Variants in FAM193A observed in about 807,000 individuals in gnomAD.
FAM193A encodes protein FAM193A.
FAM193A carries 22 observed loss-of-function variants against 126.5 expected under a neutral mutation model. The observed-to-expected ratio is 0.17, with a 90% CI of 0.12 to 0.25. FAM193A has a LOEUF of 0.25. Ranked by LOEUF, FAM193A falls within the 10% of genes least tolerant of loss-of-function variation. The probability of loss-of-function intolerance (pLI) is 1.00; values close to 1 mark genes in which losing one functional copy is unlikely to be tolerated. For synonymous variants in FAM193A, 761 were observed against 646.8 expected, an observed-to-expected ratio of 1.18 and a Z score of -2.68; for missense variants, 1,675 against 1,672.8, an observed-to-expected ratio of 1.00 and a Z score of -0.02.
intron 4 of FAM193A, among the ~76,000 whole-genome samples, chr4:2,627,616 C>T (rs1743108188): frequency 7.4e-6 from 1 of 136,002 alleles, no homozygotes; most frequent in South Asian, 2.4e-4. Flanking sequence ...CTCACTCTGT[C>T]GCCCAGGCTG....
chr4:2,697,024 C>A (rs1717116703), intron 18 of FAM193A, among the ~76,000 whole-genome samples: 1 of 152,098 alleles, frequency 6.6e-6, no homozygotes, highest in African/African-American at 2.4e-5. Flanking sequence ...GGGAAGTCTT[C>A]TGGACTCAGG....
chr4:2,539,482 C>T (rs1560427121), intron 1 of FAM193A, among the ~76,000 whole-genome samples: 1 of 152,060 alleles, frequency 6.6e-6, no homozygotes, highest in Non-Finnish European at 1.5e-5. Flanking sequence ...GTACAGTTGC[C>T]TGGTCATAGC....
At position 2,703,712 on chromosome 4, in the gene FAM193A, C is replaced by T. The variant is rs1293982146; in HGVS notation, c.4372+3168C>T. 3.3e-5 allele frequency among the ~76,000 whole-genome samples: 5 copies of T among 151,332 alleles called. No individual in the cohort carries two copies. In the East Asian group the frequency reaches 7.8e-4, roughly 24 times the overall value. On this transcript the variant is annotated intron_variant, in intron 19 of 20. Transcript: ENST00000637812. ...GGTGTGGTGGCTCACGCCTGTAATC[C>T]CAACACTTTGGGAAGCTGAGGCAGG...
intron 2 of FAM193A, among the ~76,000 whole-genome samples, chr4:2,621,438 C>T (rs922309648): frequency 1.2e-4 from 18 of 152,088 alleles, no homozygotes; most frequent in African/African-American, 1.7e-4. Flanking sequence ...ACTAAGGGTA[C>T]GAGGCAAAGG....
rs199976101 is a variant in FAM193A, at chr4:2,639,841, C to T, written c.1145C>T (p.Ala382Val). 2.5e-4 allele frequency: 397 copies of T among 1,613,836 alleles called. No homozygotes were observed. The highest frequency in any genetic ancestry group is 2.8e-4 in the Non-Finnish European group (334 of 1,179,948). ...SEPLLQSNLP[A>V]LVSQIRLGTT... ...CCACTTCTTCAGAGCAACTTGCCCG[C>T]ACTGGTGTCACAGATCAGGTATTTT... Residue 382 changes from alanine to valine, a missense_variant, in exon 6 of 21, where the codon GCA (alanine) becomes GTA (valine). Transcript: ENST00000637812.
At chr4:2,680,288 T>G in intron 13 of FAM193A, among the ~76,000 whole-genome samples, 1 of 152,222 alleles carries the variant, frequency 6.6e-6, no homozygotes, top group East Asian at 1.9e-4. Flanking sequence ...TTTCATCTGT[T>G]TTATCCAGTG....
At chr4:2,634,826 G>A (rs1577108501) in intron 5 of FAM193A, among the ~76,000 whole-genome samples, 1 of 152,160 alleles carries the variant, frequency 6.6e-6, no homozygotes, top group Non-Finnish European at 1.5e-5. Flanking sequence ...ACAGGACTTT[G>A]TTGAAAATGG....
chr4:2,693,823 C>A lies in FAM193A; in HGVS notation c.3041C>A (p.Pro1014His). ...ACACGCAAGAGTTTCTGTCCTGCAC[C>A]CCTACCCCCGGCCACAGATGGCTCC... ...VDTRKSFCPAPLPPATDGSIS... is the reference protein window; with the variant it reads ...VDTRKSFCPAHLPPATDGSIS... Residue 1014 changes from proline (P) to histidine (H), a missense_variant, in exon 16 of 21, where the codon CCC becomes CAC. Physicochemically the swap from Pro to His is moderately conservative, Grantham distance 77. Transcript: ENST00000637812. The A allele has an allele frequency of 1.2e-6, 2 of 1,614,218 alleles. No homozygotes were observed. The highest frequency in any genetic ancestry group is 1.7e-6 in the Non-Finnish European group (2 of 1,180,038).
chr4:2,587,736 G>A (rs1258621163), intron 1 of FAM193A, among the ~76,000 whole-genome samples: 1 of 152,102 alleles, frequency 6.6e-6, no homozygotes, highest in African/African-American at 2.4e-5. Flanking sequence ...TGAAAAGAAA[G>A]AGCTGGGGTG....
intron 5 of FAM193A, 104 bp from the exon 6 acceptor site, chr4:2,639,631 G>T: frequency 2.6e-6 from 2 of 779,044 alleles, no homozygotes; most frequent in African/African-American, 1.9e-5. Flanking sequence ...GGATGTGTGC[G>T]TGGTGGGGGG....
At chr4:2,628,853 C>CTTT (rs71178496) in intron 4 of FAM193A, among the ~76,000 whole-genome samples, 4 of 71,750 alleles carry the variant, frequency 5.6e-5, no homozygotes, top group African/African-American at 1.3e-4. Flanking sequence ...CTGTCTCTCT[C>CTTT]TTTTTTTTTT....
chr4:2,591,433 G>A (rs541040033), intron 1 of FAM193A, among the ~76,000 whole-genome samples: 9 of 152,118 alleles, frequency 5.9e-5, no homozygotes, highest in Non-Finnish European at 1.3e-4. Flanking sequence ...ACAGTGTGAG[G>A]GGGTTTTGAC....
intron 13 of FAM193A, among the ~76,000 whole-genome samples, chr4:2,679,539 C>T (rs1714849706): frequency 6.6e-6 from 1 of 151,426 alleles, no homozygotes. Flanking sequence ...ACCACGAGGC[C>T]CGGCTAATTT....
intron 1 of FAM193A, among the ~76,000 whole-genome samples, chr4:2,572,114 G>A (rs192786066): frequency 2.8e-3 from 416 of 149,618 alleles, no homozygotes; most frequent in African/African-American, 7.7e-3. Context: ...GCAGTGAGCC[G>A]AGATTACACC....
intron 13 of FAM193A, among the ~76,000 whole-genome samples, chr4:2,673,791 G>A (rs1185495522): frequency 2.0e-5 from 3 of 152,096 alleles, no homozygotes; most frequent in Non-Finnish European, 2.9e-5. Flanking sequence ...AATTAGTTCC[G>A]AAAAATAAGT....
At chr4:2,722,897 A>G (rs1326552969) in intron 20 of FAM193A, among the ~76,000 whole-genome samples, 4 of 152,230 alleles carry the variant, frequency 2.6e-5, no homozygotes, top group African/African-American at 9.6e-5. Context: ...TCTGGAGCTC[A>G]GAGGATTCTC....
At chr4:2,575,188 C>T (rs1739514446) in intron 1 of FAM193A, among the ~76,000 whole-genome samples, 1 of 152,114 alleles carries the variant, frequency 6.6e-6, no homozygotes, top group Non-Finnish European at 1.5e-5. Context: ...TGTCAGAGGC[C>T]TATGCCCCAA....
intron 8 of FAM193A, among the ~76,000 whole-genome samples, chr4:2,659,327 A>C (rs1325246944): frequency 2.6e-5 from 4 of 152,126 alleles, no homozygotes; most frequent in Non-Finnish European, 5.9e-5. Context: ...GCACTGCAGC[A>C]TGTTTGCTGA....
chr4:2,722,223 G>A (rs1296163368), intron 20 of FAM193A, among the ~76,000 whole-genome samples: 2 of 152,126 alleles, frequency 1.3e-5, no homozygotes, highest in Non-Finnish European at 2.9e-5. Flanking sequence ...GTCAGACACC[G>A]TGTGCATGTC....
Sources: gnomAD v4.1 joint callset for allele counts (sites outside exome capture counted in the v4.1 genomes callset) on GRCh38, gnomAD v4.1.1 for gene constraint, MANE v1.5 for transcripts, NCBI Gene and HGNC (gene_info 2026-07-23, HGNC 2026-07-21) for gene names.